Variants in GCSAML observed in about 807,000 individuals in gnomAD.
GCSAML encodes the protein germinal center-associated signaling and motility-like protein.
GCSAML carries 9 observed loss-of-function variants against 13.0 expected under a neutral mutation model. The observed-to-expected ratio is 0.69, with a 90% CI of 0.42 to 1.21. GCSAML has a LOEUF of 1.21. Ranked by LOEUF, GCSAML falls within the 50% of genes most tolerant of loss-of-function variation. The pLI, the probability that GCSAML is intolerant of heterozygous loss-of-function variation, is 0.00. For missense variants in GCSAML, 143 were observed against 153.4 expected, an observed-to-expected ratio of 0.93 and a Z score of 0.36; for synonymous variants, 37 against 52.9, an observed-to-expected ratio of 0.70 and a Z score of 1.31.
upstream of GCSAML, among the ~76,000 whole-genome samples, chr1:247,546,177 A>G (rs1667561335): frequency 6.6e-6 from 1 of 152,054 alleles, no homozygotes; most frequent in Non-Finnish European, 1.5e-5. Context: ...GTTTTGTCTA[A>G]TGATGGGACG....
At chr1:247,552,359 G>T (rs1413166571) in intron 1 of GCSAML, among the ~76,000 whole-genome samples, 1 of 152,200 alleles carries the variant, frequency 6.6e-6, no homozygotes, top group Non-Finnish European at 1.5e-5. Context: ...TGTGAGAGAA[G>T]GCTGGAGAAT....
intron 2 of GCSAML, 73 bp from the exon 3 acceptor site, chr1:247,563,517 A>G (rs1282831919): frequency 5.0e-6 from 4 of 796,562 alleles, no homozygotes; most frequent in Non-Finnish European, 8.3e-6. Flanking sequence ...GGGCAACCAA[A>G]TGCTTTTTTT....
rs988137628 is a variant in GCSAML, at chr1:247,515,248, A to G, written c.-263+8015A>G. Among the ~76,000 whole-genome samples, 4 of 152,250 alleles carry G rather than the reference A, an allele frequency of 2.6e-5. No individual in the cohort carries two copies. The East Asian group carries it at 5.8e-4, about 22-fold the overall frequency. On this transcript the variant is annotated intron_variant, in intron 1 of 5. Transcript: ENST00000366489. ...AGATAATGAGTTAAGTAATGACAGC[A>G]TGGAAAATGAATAAAAGCCTTTCAA...
chr1:247,567,212 A>C (rs1415297391), intron 4 of GCSAML, among the ~76,000 whole-genome samples: 3 of 151,740 alleles, frequency 2.0e-5, no homozygotes, highest in Non-Finnish European at 2.9e-5. Flanking sequence ...CTGAATGGGC[A>C]GGTCTGTTAC....
At chr1:247,529,413 G>A (rs1196555176) in intron 2 of GCSAML, 2 of 152,188 alleles carry the variant, frequency 1.3e-5, no homozygotes, top group Non-Finnish European at 2.9e-5. Context: ...ATTGAATGAT[G>A]GAATGGCCTG....
chr1:247,525,445 C>G (rs1157669892), intron 1 of GCSAML: 1 of 152,264 alleles, frequency 6.6e-6, no homozygotes, highest in Admixed American at 6.5e-5. Context: ...CCACAGCCCC[C>G]TTCTTGGGTT....
Position 247,562,187 on chromosome 1 carries a change from A to G in GCSAML, c.90-1403A>G, listed in dbSNP as rs549989045. 6.6e-5 allele frequency among the ~76,000 whole-genome samples: 10 copies of G among 152,260 alleles called. No homozygotes were observed. In the South Asian group the frequency reaches 1.2e-3, roughly 19 times the overall value. On this transcript the variant is annotated intron_variant, in intron 2 of 4. Coordinates refer to ENST00000366488, the MANE Select transcript of GCSAML (RefSeq NM_145278.5). ...GGAATGAAAGATTCTTTGATTTGCAATTGTTTAAGGAAGCAAAGCTTTGTC... is the reference window on the plus strand; with the variant it reads ...GGAATGAAAGATTCTTTGATTTGCAGTTGTTTAAGGAAGCAAAGCTTTGTC...
chr1:247,521,725 C>G (rs552696673), intron 1 of GCSAML, among the ~76,000 whole-genome samples: 104 of 152,322 alleles, frequency 6.8e-4, no homozygotes, highest in African/African-American at 2.3e-3. Flanking sequence ...GATCTCAGCT[C>G]GCTACAACCT....
upstream of GCSAML, among the ~76,000 whole-genome samples, chr1:247,544,609 G>A (rs1667507608): frequency 1.3e-5 from 2 of 152,156 alleles, no homozygotes; most frequent in African/African-American, 4.8e-5. Context: ...GAGGTGGGTG[G>A]ATCGCTTGAG....
At position 247,563,619 on chromosome 1, in the gene GCSAML, T is replaced by C; in HGVS notation, c.119T>C (p.Leu40Pro). The C allele has an allele frequency of 6.3e-7, 1 of 1,582,784 alleles. No homozygotes were observed. Among genetic ancestry groups the C allele is most frequent in the Non-Finnish European group, 8.7e-7 (1 of 1,152,858 alleles). ...GAAATGACTACATTTGAAAGAAAAC[T>C]TCAAGATCAAGATAAGAAAAGTAAG... ...RQEMTTFERKLQDQDKKSQEV... is the reference protein window; with the variant it reads ...RQEMTTFERKPQDQDKKSQEV... Residue 40 changes from leucine to proline, a missense_variant, in exon 3 of 5, where the codon CTT (leucine) becomes CCT (proline). Physicochemically the swap from Leu to Pro is moderately conservative, Grantham distance 98. Coordinates refer to ENST00000366488, the MANE Select transcript of GCSAML (RefSeq NM_145278.5).
At position 247,572,953 on chromosome 1, in the gene GCSAML, C is replaced by T. The variant is rs536669665; in HGVS notation, c.169-1190C>T. On this transcript the variant is annotated intron_variant, in intron 4 of 4. Transcript: ENST00000366488. ...GCTCAGTCCAGCCCAAATTCCCCTG[C>T]GGCTTTGTTTACACTGTGAGGGGAA... is the stretch of plus-strand genomic sequence containing the variant. Among the ~76,000 whole-genome samples the T allele has an allele frequency of 6.6e-5, 10 of 152,306 alleles. No individual in the cohort carries two copies. The South Asian group carries it at 8.3e-4, about 13-fold the overall frequency.
intron 4 of GCSAML, among the ~76,000 whole-genome samples, chr1:247,569,133 C>T (rs1489473817): frequency 6.6e-6 from 1 of 152,136 alleles, no homozygotes; most frequent in Non-Finnish European, 1.5e-5. Context: ...TCTAAACATA[C>T]AATCACGTCA....
At chr1:247,565,900 C>G in intron 3 of GCSAML, 31 bp from the exon 4 acceptor site, 1 of 1,437,210 alleles carries the variant, frequency 7.0e-7, no homozygotes, top group Non-Finnish European at 9.4e-7. Context: ...GCTTTCCTTT[C>G]TTTCTTTTTT....
chr1:247,522,257 CA>C (rs1206191205), intron 1 of GCSAML, among the ~76,000 whole-genome samples: 15 of 119,382 alleles, frequency 1.3e-4, no homozygotes, highest in Non-Finnish European at 1.7e-4. Flanking sequence ...AGGTGGGGGG[CA>C]GCCCCCACCC....
intron 1 of GCSAML, among the ~76,000 whole-genome samples, chr1:247,512,569 T>A (rs1163543474): frequency 6.6e-6 from 1 of 152,142 alleles, no homozygotes; most frequent in East Asian, 1.9e-4. Flanking sequence ...GGTGTTGTGA[T>A]CCTTTGGAGG....
At chr1:247,543,567 T>A (rs904317586) in intron 2 of GCSAML, among the ~76,000 whole-genome samples, 4 of 152,146 alleles carry the variant, frequency 2.6e-5, no homozygotes, top group Admixed American at 2.6e-4. Flanking sequence ...ATAGTAATTA[T>A]CGTGGACAAA....
upstream of GCSAML, chr1:247,549,116 C>T (rs1227943391): frequency 1.9e-6 from 3 of 1,613,854 alleles, no homozygotes; most frequent in South Asian, 1.1e-5. Context: ...CATGCATTTT[C>T]CTCTTGGTGC....
At chr1:247,511,904 T>G (rs1036957041) in intron 1 of GCSAML, among the ~76,000 whole-genome samples, 1 of 152,160 alleles carries the variant, frequency 6.6e-6, no homozygotes, top group African/African-American at 2.4e-5. Flanking sequence ...TTCCCTTTGT[T>G]GGTAACCCGA....
At position 247,563,628 on chromosome 1, in the gene GCSAML, A is replaced by T; in HGVS notation, c.128A>T (p.Gln43Leu). Residue 43 changes from glutamine to leucine, a missense_variant, in exon 3 of 5, where the codon CAA (glutamine) becomes CTA (leucine). Gln to Leu is a moderately radical substitution (Grantham distance 113). Transcript: ENST00000366488. ...MTTFERKLQDQDKKSQEVSST... is the reference protein window; with the variant it reads ...MTTFERKLQDLDKKSQEVSST... Reference sequence around the variant, plus strand: ...ACATTTGAAAGAAAACTTCAAGATCAAGATAAGAAAAGTAAGTCATGGCTG... The same window carrying T: ...ACATTTGAAAGAAAACTTCAAGATCTAGATAAGAAAAGTAAGTCATGGCTG... The T allele has an allele frequency of 6.4e-7, 1 of 1,569,108 alleles. No individual in the cohort carries two copies. Among genetic ancestry groups the T allele is most frequent in the South Asian group, 1.1e-5 (1 of 89,338 alleles).
Sources: allele counts gnomAD v4.1 joint callset (sites outside exome capture counted in the v4.1 genomes callset), GRCh38; gene constraint gnomAD v4.1.1; transcripts MANE v1.5; gene names NCBI Gene and HGNC (gene_info 2026-07-23, HGNC 2026-07-21).